The following NRG1 variants were observed in gnomAD, a reference collection of about 807,000 sequenced individuals.
The protein encoded by NRG1 is pro-neuregulin-1, membrane-bound isoform.
A neutral mutation model predicts 63.8 loss-of-function variants in NRG1; 18 were observed. The observed-to-expected ratio is 0.28, with a 90% CI of 0.19 to 0.42. The LOEUF is 0.42. Among genes scored for constraint, NRG1 ranks in the 10% least tolerant of loss-of-function variants. NRG1 has a pLI of 1.00. For missense variants in NRG1, 762 were observed against 814.7 expected, an observed-to-expected ratio of 0.94 and a Z score of 0.79; for synonymous variants, 302 against 301.3, an observed-to-expected ratio of 1.00 and a Z score of -0.02.
At chr8:32,017,718 G>T (rs1815776218) in intron 1 of NRG1, among the ~76,000 whole-genome samples, 1 of 152,204 alleles carries the variant, frequency 6.6e-6, no homozygotes, top group South Asian at 2.1e-4. Context: ...CAGATGAAAA[G>T]ATACGTAAGG....
At chr8:32,042,381 A>T (rs925022990) in intron 1 of NRG1, among the ~76,000 whole-genome samples, 2 of 152,100 alleles carry the variant, frequency 1.3e-5, no homozygotes, top group Admixed American at 1.3e-4. Context: ...TGAGCTGAGG[A>T]TGTCGAGGCT....
intron 1 of NRG1, among the ~76,000 whole-genome samples, chr8:32,472,583 C>T (rs1268238745): frequency 6.6e-6 from 1 of 152,162 alleles, no homozygotes; most frequent in Non-Finnish European, 1.5e-5. Flanking sequence ...TAAAGGACAC[C>T]AGAATGGTTG....
intron 5 of NRG1, among the ~76,000 whole-genome samples, chr8:32,668,778 T>C: frequency 6.6e-6 from 1 of 152,204 alleles, no homozygotes; most frequent in East Asian, 1.9e-4. Context: ...GACTCAAGAC[T>C]ATATAATGTT....
At chr8:31,661,675 G>C (rs911041048) in intron 1 of NRG1, among the ~76,000 whole-genome samples, 1 of 152,214 alleles carries the variant, frequency 6.6e-6, no homozygotes, top group African/African-American at 2.4e-5. Context: ...TTTACACAAA[G>C]TTATTAATTA....
rs181146514 is a variant in NRG1, at chr8:32,286,128, G to A, written c.38-309700G>A. ...GAATGCAAATGTGAGTAAACAAGGC[G>A]CCTCTACCTACTGATGGCATCTTCA... is the stretch of plus-strand genomic sequence containing the variant. On this transcript the variant is annotated intron_variant, in intron 1 of 10. Transcript: ENST00000519301. Among the ~76,000 whole-genome samples, 188 of 152,264 alleles carry A rather than the reference G, an allele frequency of 1.2e-3. 3 individuals are homozygous for A. Among genetic ancestry groups the A allele is most frequent in the Admixed American group, 0.011 (173 of 15,290 alleles).
chr8:32,426,795 T>A (rs1817433269), intron 1 of NRG1, among the ~76,000 whole-genome samples: 1 of 152,186 alleles, frequency 6.6e-6, no homozygotes, highest in Non-Finnish European at 1.5e-5. Flanking sequence ...ATTGCTATGC[T>A]CTGACATACA....
chr8:31,994,413 G>A (rs553753038), intron 1 of NRG1, among the ~76,000 whole-genome samples: 1 of 151,948 alleles, frequency 6.6e-6, no homozygotes, highest in South Asian at 2.1e-4. Flanking sequence ...AGCACTTTGG[G>A]AAGCCGAGGT....
chr8:32,108,311 G>C (rs1831546408), intron 1 of NRG1, among the ~76,000 whole-genome samples: 1 of 152,140 alleles, frequency 6.6e-6, no homozygotes, highest in African/African-American at 2.4e-5. Context: ...TTCTGTTCTG[G>C]AGCCTAGGAA....
At chr8:31,876,404 T>C (rs1829927073) in intron 1 of NRG1, among the ~76,000 whole-genome samples, 1 of 152,318 alleles carries the variant, frequency 6.6e-6, no homozygotes, top group South Asian at 2.1e-4. Context: ...TTTCTATTCA[T>C]TTGAGTAACA....
intron 5 of NRG1, among the ~76,000 whole-genome samples, chr8:32,711,056 T>C (rs182168304): frequency 2.0e-5 from 3 of 152,154 alleles, no homozygotes; most frequent in Non-Finnish European, 4.4e-5. Flanking sequence ...CTAATGGCCT[T>C]GTTTGTTTTT....
chr8:31,864,285 C>T (rs1335407361), intron 1 of NRG1, among the ~76,000 whole-genome samples: 1 of 152,172 alleles, frequency 6.6e-6, no homozygotes, highest in Non-Finnish European at 1.5e-5. Flanking sequence ...AGACATGGTC[C>T]TTCCCTCATA....
At chr8:32,375,473 A>G (rs527826639) in intron 1 of NRG1, among the ~76,000 whole-genome samples, 4 of 152,184 alleles carry the variant, frequency 2.6e-5, no homozygotes, top group Non-Finnish European at 5.9e-5. Context: ...CTTATTAAAG[A>G]TCTCGGGAAA....
intron 1 of NRG1, among the ~76,000 whole-genome samples, chr8:32,561,312 T>C (rs754014549): frequency 6.6e-6 from 1 of 152,228 alleles, no homozygotes; most frequent in Non-Finnish European, 1.5e-5. Context: ...CTATGATTCA[T>C]AGGAATTTGA....
At chr8:32,417,844 A>G (rs1409801204) in intron 1 of NRG1, among the ~76,000 whole-genome samples, 1 of 152,122 alleles carries the variant, frequency 6.6e-6, no homozygotes, top group African/African-American at 2.4e-5. Flanking sequence ...TAGGACTTTT[A>G]TTATTGTAAT....
At chr8:32,228,466 G>T (rs1485020636) in intron 1 of NRG1, among the ~76,000 whole-genome samples, 1 of 151,834 alleles carries the variant, frequency 6.6e-6, no homozygotes, top group East Asian at 1.9e-4. Context: ...TGAGTATCTG[G>T]TTAGTTTCAG....
intron 1 of NRG1, among the ~76,000 whole-genome samples, chr8:32,133,695 T>C (rs1158358408): frequency 6.6e-6 from 1 of 152,184 alleles, no homozygotes; most frequent in Non-Finnish European, 1.5e-5. Flanking sequence ...TTTACATCTA[T>C]TATATCATCT....
In NRG1 at chr8:32,525,391, G is replaced by GTGT. The variant is rs1830726560; in HGVS notation, c.38-70437_38-70436insTGT. Among the ~76,000 whole-genome samples the GTGT allele has an allele frequency of 2.1e-5, 3 of 145,794 alleles. No homozygotes were observed. In the East Asian group the frequency reaches 6.2e-4, roughly 30 times the overall value. On this transcript the variant is annotated intron_variant, in intron 1 of 10. Coordinates refer to the NRG1 transcript ENST00000519301. ...ATTCTCATCTTAAGCATGAGGTAGG[G>GTGT]GTGTGTGTGTGTGTGTGTGTGTGTG... is the stretch of plus-strand genomic sequence containing the variant.
chr8:32,310,084 G>A (rs1856650861), intron 1 of NRG1, among the ~76,000 whole-genome samples: 1 of 152,196 alleles, frequency 6.6e-6, no homozygotes, highest in Non-Finnish European at 1.5e-5. Flanking sequence ...TCTCTGCAGG[G>A]CACTGCTATG....
chr8:32,501,079 G>A (rs117079712), intron 1 of NRG1, among the ~76,000 whole-genome samples: 2,311 of 152,280 alleles, frequency 0.015, 33 homozygotes, highest in Non-Finnish European at 0.022. Flanking sequence ...CTGAAGATGA[G>A]GCATGCTGGC....
Sources: gnomAD v4.1 joint callset for allele counts (sites outside exome capture counted in the v4.1 genomes callset) on GRCh38, gnomAD v4.1.1 for gene constraint, MANE v1.5 for transcripts, NCBI Gene and HGNC (gene_info 2026-07-23, HGNC 2026-07-21) for gene names.